The following PTPN23 variants were observed in gnomAD, a reference collection of about 807,000 sequenced individuals.
The protein encoded by PTPN23 is protein tyrosine phosphatase non-receptor type 23.
Under a neutral mutation model 156.3 loss-of-function variants are expected in PTPN23, and 72 were observed. The observed-to-expected ratio is 0.46, with a 90% CI of 0.38 to 0.56. PTPN23 has a LOEUF of 0.56. Ranked by LOEUF, PTPN23 falls within the 20% of genes least tolerant of loss-of-function variation. The pLI, the probability that PTPN23 is intolerant of heterozygous loss-of-function variation, is 0.00. For missense variants in PTPN23, 1,974 were observed against 2,171.5 expected (o/e 0.91, Z 1.81); for synonymous variants, 957 against 899.6 (o/e 1.06, Z -1.14).
chr3:47,406,901 A>G lies in PTPN23; in HGVS notation c.807+151A>G. On this transcript the variant is annotated intron_variant, in intron 9 of 24. Coordinates refer to ENST00000265562, the MANE Select transcript of PTPN23 (RefSeq NM_015466.4). The surrounding 1 kb of genome is among the most constrained non-coding windows in gnomAD (Gnocchi z 5.8). Reference sequence around the variant, plus strand: ...GGCCTGGTGTCTTAAGTGTTGTCCCATCTGTGCAGCCCTCGTCCCTCGGGG... The same window carrying G: ...GGCCTGGTGTCTTAAGTGTTGTCCCGTCTGTGCAGCCCTCGTCCCTCGGGG... 2.5e-6 allele frequency: 3 copies of G among 1,219,620 alleles called. No homozygotes were observed. Among genetic ancestry groups the G allele is most frequent in the Non-Finnish European group, 3.5e-6 (3 of 862,864 alleles). The allele number at this position is 1,219,620 out of a possible 1,614,324, so 75.5% of individuals were successfully genotyped here.
chr3:47,408,248 C>T (rs755567841), intron 14 of PTPN23, 97 bp from the exon 15 acceptor site: 1 of 1,521,332 alleles, frequency 6.6e-7, no homozygotes, highest in East Asian at 2.3e-5. Context: ...CTGCTGAGAC[C>T]TCAGATTGAG....
intron 1 of PTPN23, among the ~76,000 whole-genome samples, chr3:47,393,558 C>G (rs1704818574): frequency 6.6e-6 from 1 of 152,170 alleles, no homozygotes; most frequent in African/African-American, 2.4e-5. Flanking sequence ...TTGGACATCA[C>G]TTTTCCCGGA....
rs891675490 is a variant in PTPN23, at chr3:47,406,833, G to T, written c.807+83G>T. ...TGTGCTCCCGCTCCTTACACACCAGGGGGTGGCCTTCTCTGTCTCACCCTG... is the reference window on the plus strand; with the variant it reads ...TGTGCTCCCGCTCCTTACACACCAGTGGGTGGCCTTCTCTGTCTCACCCTG... On this transcript the variant is annotated intron_variant, in intron 9 of 24. Coordinates refer to ENST00000265562, the MANE Select transcript of PTPN23 (RefSeq NM_015466.4). This position sits in a 1 kb window ranked among gnomAD's most constrained non-coding sequence, Gnocchi z 5.8. The T allele has an allele frequency of 6.4e-7, 1 of 1,550,838 alleles. No individual in the cohort carries two copies. The highest frequency in any genetic ancestry group is 1.2e-5 in the South Asian group (1 of 86,510).
In PTPN23 at chr3:47,404,787, C is replaced by T; in HGVS notation, c.287+8C>T. Reference sequence around the variant, plus strand: ...CGCTGTCCCTGTCACCTGGTGAGAGCCGCAGGCAGGGCTGGAGGATCCCAC... The same window carrying T: ...CGCTGTCCCTGTCACCTGGTGAGAGTCGCAGGCAGGGCTGGAGGATCCCAC... On this transcript the variant is annotated splice_region_variant and intron_variant, in intron 3 of 24. Transcript: ENST00000265562. 6.2e-7 allele frequency: 1 copy of T among 1,612,950 alleles called. No individual in the cohort carries two copies. Among genetic ancestry groups the T allele is most frequent in the South Asian group, 1.1e-5 (1 of 90,982 alleles).
chr3:47,408,904 T>C lies in PTPN23; in HGVS notation c.1459T>C (p.Ser487Pro). 6.2e-7 allele frequency: 1 copy of C among 1,614,174 alleles called. No homozygotes were observed. The highest frequency in any genetic ancestry group is 8.5e-7 in the Non-Finnish European group (1 of 1,180,030). ...CCAGGCAGGGGCCATCTCCATCACC[T>C]CCAAGGCTGAGCTGGCAGAGGTGAG... The part of the protein sequence containing the change: ...VGQAGAISIT[S>P]KAELAEVRRE... Residue 487 changes from serine to proline, a missense_variant, in exon 16 of 25, where the codon TCC (serine) becomes CCC (proline). Transcript: ENST00000265562.
chr3:47,406,170 G>C lies in PTPN23; in HGVS notation c.546+124G>C. 2 of 1,499,394 alleles carry C rather than the reference G, an allele frequency of 1.3e-6. No individual in the cohort carries two copies. Among genetic ancestry groups the C allele is most frequent in the Non-Finnish European group, 9.0e-7 (1 of 1,109,224 alleles). The allele number at this position is 1,499,394 out of a possible 1,614,324, so 92.9% of individuals were successfully genotyped here. On this transcript the variant is annotated intron_variant, in intron 6 of 24. Coordinates refer to ENST00000265562, the MANE Select transcript of PTPN23 (RefSeq NM_015466.4). This position sits in a 1 kb window ranked among gnomAD's most constrained non-coding sequence, Gnocchi z 5.8. ...ACAAGCAAGGGGCCTTGGCTTTGTT[G>C]AATCAGGAGCACCGTGGTGCTGCTT...
In PTPN23 at chr3:47,409,422, G is replaced by A. The variant is rs1576228645; in HGVS notation, c.1803G>A (p.Leu601=). 6.2e-7 allele frequency: 1 copy of A among 1,614,018 alleles called. No homozygotes were observed. Among genetic ancestry groups the A allele is most frequent in the African/African-American group, 1.3e-5 (1 of 74,918 alleles). Residue 601 remains leucine (L), a synonymous_variant, in exon 18 of 25, where the codon TTG becomes TTA. Transcript: ENST00000265562. ...GGCCCCCACCCCTTCCTCAGAAGTT[G>A]TTCGAGGAGCAGCTGAAAAAGTATG... ...VTTDHSEMKK[L]FEEQLKKYDQ... is the part of the protein sequence containing the mutation.
chr3:47,397,410 T>C (rs1245395286), intron 2 of PTPN23, among the ~76,000 whole-genome samples: 1 of 152,222 alleles, frequency 6.6e-6, no homozygotes, highest in Non-Finnish European at 1.5e-5. Context: ...TCCTGATTAT[T>C]GTATGTACTA....
In PTPN23 at chr3:47,413,372, C is replaced by G; in HGVS notation, c.*187C>G. On this transcript the variant is annotated 3_prime_UTR_variant, in exon 25 of 25. Transcript: ENST00000265562. ...TGCAGGCTCTGGGTCAGGTTCTGCT[C>G]CTTTATGGGACCCGACATTTTTCAG... 1 of 744,166 alleles carries G rather than the reference C, an allele frequency of 1.3e-6. No homozygotes were observed. The highest frequency in any genetic ancestry group is 2.1e-6 in the Non-Finnish European group (1 of 473,678). The allele number at this position is 744,166 out of a possible 1,614,324, so 46.1% of individuals were successfully genotyped here. A position where few individuals can be genotyped will look rare whatever the true frequency, so the allele number is the denominator to read the frequency against.
At chr3:47,408,526 T>C (rs1414869581) in intron 15 of PTPN23, 36 bp downstream of exon 15, 1 of 1,587,020 alleles carries the variant, frequency 6.3e-7, no homozygotes, top group East Asian at 2.3e-5. Flanking sequence ...TGGAAGGGAG[T>C]GTGGAGGTCA....
At position 47,409,447 on chromosome 3, in the gene PTPN23, G is replaced by T; in HGVS notation, c.1828G>T (p.Asp610Tyr). Reference sequence around the variant, plus strand: ...GTTCGAGGAGCAGCTGAAAAAGTATGACCAGCTGAAGGTGTACCTGGAGCA... The same window carrying T: ...GTTCGAGGAGCAGCTGAAAAAGTATTACCAGCTGAAGGTGTACCTGGAGCA... Reference protein sequence around the residue: ...KLFEEQLKKYDQLKVYLEQNL... With the variant: ...KLFEEQLKKYYQLKVYLEQNL... The change falls in exon 18 of 25, where the codon GAC becomes TAC. Residue 610 changes from aspartate to tyrosine, a missense_variant. This residue lies in a region of PTPN23 where 726 missense variants were observed against 929.5 expected (regional missense o/e 0.78). Coordinates refer to ENST00000265562, the MANE Select transcript of PTPN23 (RefSeq NM_015466.4). 1 of 1,614,144 alleles carries T rather than the reference G, an allele frequency of 6.2e-7. No individual in the cohort carries two copies. The highest frequency in any genetic ancestry group is 1.1e-5 in the South Asian group (1 of 91,062).
At position 47,410,128 on chromosome 3, in the gene PTPN23, C is replaced by T; in HGVS notation, c.2330C>T (p.Pro777Leu). 1.5e-5 allele frequency: 24 copies of T among 1,597,020 alleles called. No individual in the cohort carries two copies. The highest frequency in any genetic ancestry group is 2.0e-5 in the Non-Finnish European group (24 of 1,171,252). The change falls in exon 20 of 25, where the codon CCC (proline) becomes CTC (leucine). Residue 777 changes from proline (P) to leucine (L), a missense_variant. Physicochemically the swap from Pro to Leu is moderately conservative, Grantham distance 98. Around this residue, in one of 4 missense-constraint regions of PTPN23, gnomAD observed 731 missense variants for 669.1 expected, o/e 1.09. Coordinates refer to ENST00000265562, the MANE Select transcript of PTPN23 (RefSeq NM_015466.4). The stretch of plus-strand genomic sequence containing the variant: ...CTCCACTTTCCTCCCAGCCCCTTCC[C>T]CAGCTCCACAGGCCCAGGACCCCAC... ...TPLHFPPSPFPSSTGPGPHYL... is the reference protein window; with the variant it reads ...TPLHFPPSPFLSSTGPGPHYL...
At chr3:47,391,564 G>A (rs749635068) in intron 1 of PTPN23, among the ~76,000 whole-genome samples, 21 of 152,290 alleles carry the variant, frequency 1.4e-4, no homozygotes, top group South Asian at 4.1e-4. Context: ...ATAGGAGGAC[G>A]GAGATGAGAT....
At chr3:47,403,076 G>A (rs1311037384) in intron 2 of PTPN23, among the ~76,000 whole-genome samples, 1 of 148,818 alleles carries the variant, frequency 6.7e-6, no homozygotes, top group Non-Finnish European at 1.5e-5. Flanking sequence ...TTTTTGAGAC[G>A]GAGTCTCGCT....
rs200367977 is a variant in PTPN23, at chr3:47,405,902, C to T, written c.415-13C>T. 392 of 1,612,798 alleles carry T rather than the reference C, an allele frequency of 2.4e-4. 1 individual carries two copies. The highest frequency in any genetic ancestry group is 5.7e-4 in the Admixed American group (34 of 59,878). Reference sequence around the variant, plus strand: ...ATGGAGTGGACACAGGCCATCCTCCCACTCCCTCCCAGGGCATGAAGGTCT... The same window carrying T: ...ATGGAGTGGACACAGGCCATCCTCCTACTCCCTCCCAGGGCATGAAGGTCT... On this transcript the variant is annotated splice_polypyrimidine_tract_variant and intron_variant, in intron 5 of 24. Coordinates refer to ENST00000265562, the MANE Select transcript of PTPN23 (RefSeq NM_015466.4). This position sits in a 1 kb window ranked among gnomAD's most constrained non-coding sequence, Gnocchi z 4.7.
In PTPN23 at chr3:47,412,990, C is replaced by T; in HGVS notation, c.4716C>T (p.Pro1572=). The change falls in exon 25 of 25, where the codon CCC becomes CCT. Residue 1572 remains proline (P), a synonymous_variant. Coordinates refer to ENST00000265562, the MANE Select transcript of PTPN23 (RefSeq NM_015466.4). ...TGCCTGAAGCCCCCAGCTCGGGGCC[C>T]CCCTCCTCCTCCCTGGAATTGCTGG... The part of the protein sequence containing the change: ...PPVPEAPSSG[P]PSSSLELLAS... The T allele has an allele frequency of 1.2e-6, 2 of 1,611,916 alleles. No individual in the cohort carries two copies. Among genetic ancestry groups the T allele is most frequent in the Non-Finnish European group, 1.7e-6 (2 of 1,179,358 alleles).
In PTPN23 at chr3:47,412,729, G is replaced by A. The variant is rs2107729267; in HGVS notation, c.4455G>A (p.Gln1485=). 1 of 1,602,118 alleles carries A rather than the reference G, an allele frequency of 6.2e-7. No homozygotes were observed. Among genetic ancestry groups the A allele is most frequent in the Non-Finnish European group, 8.5e-7 (1 of 1,172,036 alleles). Residue 1485 remains glutamine, a synonymous_variant, in exon 25 of 25, where the codon CAG becomes CAA. Transcript: ENST00000265562. Reference sequence around the variant, plus strand: ...AGAACCACCTTCCTCAGGACTCCCAGGACCTGGTCCTCGGTGGGGATGTGC... The same window carrying A: ...AGAACCACCTTCCTCAGGACTCCCAAGACCTGGTCCTCGGTGGGGATGTGC... ...SQKNHLPQDS[Q]DLVLGGDVPI...
At position 47,407,377 on chromosome 3, in the gene PTPN23, T is replaced by G. The variant is rs770588014; in HGVS notation, c.923+10T>G. On this transcript the variant is annotated intron_variant, in intron 11 of 24. Coordinates refer to ENST00000265562, the MANE Select transcript of PTPN23 (RefSeq NM_015466.4). The surrounding 1 kb of genome is among the most constrained non-coding windows in gnomAD (Gnocchi z 4.0). ...ATGTCATTGGGGGAAAGTGAGTCTG[T>G]GGGGGTGGCCCTGGTTCCCTCTTTT... 2 of 1,613,800 alleles carry G rather than the reference T, an allele frequency of 1.2e-6. No individual in the cohort carries two copies. The highest frequency in any genetic ancestry group is 2.2e-5 in the East Asian group (1 of 44,870).
In PTPN23 at chr3:47,412,862, C is replaced by A. The variant is rs745640241; in HGVS notation, c.4588C>A (p.Pro1530Thr). The change falls in exon 25 of 25, where the codon CCG becomes ACG. Residue 1530 changes from proline (P) to threonine (T), a missense_variant. Transcript: ENST00000265562. ...AGGCCCTGCAGAGCCCCCAGGCCTCCCGCCAGCCAGCCTCCCAGAGTCTAC... is the reference window on the plus strand; with the variant it reads ...AGGCCCTGCAGAGCCCCCAGGCCTCACGCCAGCCAGCCTCCCAGAGTCTAC... ...LPGPAEPPGL[P>T]PASLPESTPI... The A allele has an allele frequency of 6.2e-7, 1 of 1,613,450 alleles. No homozygotes were observed. Among genetic ancestry groups the A allele is most frequent in the Admixed American group, 1.7e-5 (1 of 60,008 alleles).
Sources: allele counts gnomAD v4.1 joint callset (sites outside exome capture counted in the v4.1 genomes callset), GRCh38; gene constraint gnomAD v4.1.1; regional missense constraint gnomAD v4.1.1; non-coding constraint Gnocchi (gnomAD v3.1); transcripts MANE v1.5; gene names NCBI Gene and HGNC (gene_info 2026-07-23, HGNC 2026-07-21).